Variants in LOXL2 observed in about 807,000 individuals in gnomAD.
LOXL2 encodes the protein lysyl oxidase homolog 2.
Under a neutral mutation model 93.0 loss-of-function variants are expected in LOXL2, and 70 were observed. The ratio of observed to expected loss-of-function variants is 0.75; its 90% CI spans 0.62 to 0.92. The LOEUF (loss-of-function observed/expected upper bound fraction) is 0.92, where lower values mean the gene tolerates loss of function less well. Ranked by LOEUF, LOXL2 falls within the 40% of genes least tolerant of loss-of-function variation. The pLI, the probability that LOXL2 is intolerant of heterozygous loss-of-function variation, is 0.00. For missense variants in LOXL2, 973 were observed against 1,054.9 expected (o/e 0.92, Z 1.08); for synonymous variants, 438 against 413.2 (o/e 1.06, Z -0.73).
At chr8:23,329,318 C>A (rs150737615) in intron 5 of LOXL2, among the ~76,000 whole-genome samples, 33 of 152,336 alleles carry the variant, frequency 2.2e-4, no homozygotes, top group African/African-American at 7.7e-4. Flanking sequence ...AGATGCAGCC[C>A]AATCAGCTAT....
At chr8:23,350,870 G>A (rs959455404) in intron 3 of LOXL2, among the ~76,000 whole-genome samples, 2 of 152,142 alleles carry the variant, frequency 1.3e-5, no homozygotes, top group African/African-American at 4.8e-5. Flanking sequence ...TTTGGAGAAC[G>A]GGCAAGCCCT....
intron 1 of LOXL2, among the ~76,000 whole-genome samples, chr8:23,395,331 A>C (rs1430825619): frequency 1.3e-5 from 2 of 151,926 alleles, no homozygotes; most frequent in Non-Finnish European, 2.9e-5. Flanking sequence ...AAAAAAAAAA[A>C]AAAACCACAT....
At chr8:23,340,953 G>C (rs748445514) in intron 4 of LOXL2, 39 bp downstream of exon 4, 1 of 1,557,228 alleles carries the variant, frequency 6.4e-7, no homozygotes. Context: ...AGGCAGGGCG[G>C]ATACCCTCAA....
At chr8:23,299,087 C>T (rs1803085228) in intron 12 of LOXL2, 140 bp from the exon 13 acceptor site, 3 of 604,546 alleles carry the variant, frequency 5.0e-6, no homozygotes, top group Non-Finnish European at 9.0e-6. Flanking sequence ...CTGTGGGTCT[C>T]AACAAAGTCC....
chr8:23,388,118 G>A (rs1804790978), intron 1 of LOXL2, among the ~76,000 whole-genome samples: 1 of 152,182 alleles, frequency 6.6e-6, no homozygotes, highest in Admixed American at 6.5e-5. Context: ...CTAGATTCGA[G>A]TCAGGTTATT....
intron 1 of LOXL2, among the ~76,000 whole-genome samples, chr8:23,382,062 T>A (rs566798398): frequency 6.6e-6 from 1 of 152,320 alleles, no homozygotes; most frequent in Non-Finnish European, 1.5e-5. Flanking sequence ...GTGTCATTTA[T>A]AAACAACTGA....
intron 9 of LOXL2, among the ~76,000 whole-genome samples, chr8:23,311,149 C>T (rs1047910271): frequency 6.6e-5 from 10 of 152,198 alleles, no homozygotes; most frequent in Non-Finnish European, 1.0e-4. Flanking sequence ...AGCTCTGTCT[C>T]CCTTCTCCCC....
At chr8:23,403,581 C>T (rs552244313) in intron 1 of LOXL2, among the ~76,000 whole-genome samples, 101 of 152,224 alleles carry the variant, frequency 6.6e-4, no homozygotes, top group African/African-American at 2.4e-3. Context: ...GCCAGAATTC[C>T]GGAGACGCTG....
At chr8:23,369,151 C>T (rs575614953) in intron 1 of LOXL2, among the ~76,000 whole-genome samples, 1 of 152,112 alleles carries the variant, frequency 6.6e-6, no homozygotes, top group Non-Finnish European at 1.5e-5. Context: ...ATGAATGGCA[C>T]CCCAAAACAC....
Position 23,319,984 on chromosome 8 carries a change from G to A in LOXL2, c.1371C>T (p.Ser457=), listed in dbSNP as rs78624774. ...RVEVLVERNG[S]LVWGMVCGQN... is the part of the protein sequence containing the mutation. ...GGCCACACACCATCCCCCACACAAG[G>A]GACCCGTTTCTCTCCACCAGCACCT... The change falls in exon 8 of 14, where the codon TCC becomes TCT. Residue 457 remains serine (S), a synonymous_variant. Coordinates refer to ENST00000389131, the MANE Select transcript of LOXL2 (RefSeq NM_002318.3). 30,134 of 1,614,058 alleles carry A rather than the reference G, an allele frequency of 0.019. 353 individuals carry two copies. The highest frequency in any genetic ancestry group is 0.05 in the African/African-American group (3,731 of 75,030).
intron 2 of LOXL2, among the ~76,000 whole-genome samples, chr8:23,366,388 A>T (rs1347303644): frequency 2.0e-5 from 3 of 152,254 alleles, no homozygotes; most frequent in Non-Finnish European, 2.9e-5. Flanking sequence ...TTACCCCAAA[A>T]GGAAATTTTC....
At chr8:23,321,513 G>A (rs1803497475) in intron 7 of LOXL2, among the ~76,000 whole-genome samples, 1 of 152,260 alleles carries the variant, frequency 6.6e-6, no homozygotes, top group South Asian at 2.1e-4. Context: ...TGGTGAGCGG[G>A]GTCTGACCTC....
chr8:23,349,965 G>A (rs1430404498), intron 3 of LOXL2, among the ~76,000 whole-genome samples: 1 of 152,052 alleles, frequency 6.6e-6, no homozygotes, highest in Non-Finnish European at 1.5e-5. Flanking sequence ...GCAAAATAAA[G>A]TTATGCAGTC....
rs966224369 is a variant in LOXL2 at position 23,313,444 on chromosome 8, CAG to C, written c.1636+3503_1636+3504del. Among the ~76,000 whole-genome samples, 299 of 152,098 alleles carry C rather than the reference CAG, an allele frequency of 2.0e-3. 1 individual carries two copies. The highest frequency in any genetic ancestry group is 7.0e-3 in the African/African-American group (291 of 41,494). On this transcript the variant is annotated intron_variant, in intron 9 of 13. Transcript: ENST00000389131. ...AAACAGCATGGTACTGGTACCAAAACAGAGATATAGATCAATGGAACAGAACA... is the reference window on the plus strand; with the variant it reads ...AAACAGCATGGTACTGGTACCAAAACAGATATAGATCAATGGAACAGAACA...
intron 13 of LOXL2, among the ~76,000 whole-genome samples, chr8:23,298,368 C>T (rs536230979): frequency 1.3e-5 from 2 of 152,338 alleles, no homozygotes; most frequent in Admixed American, 1.3e-4. Flanking sequence ...GAGTGAGGCC[C>T]ATGACTTTTC....
At chr8:23,375,935 T>C (rs946163709) in intron 1 of LOXL2, among the ~76,000 whole-genome samples, 2 of 152,188 alleles carry the variant, frequency 1.3e-5, no homozygotes, top group Non-Finnish European at 2.9e-5. Context: ...TTTATTTTTT[T>C]CTCCTGCCTG....
rs545571747 is a variant in LOXL2, at chr8:23,372,826, C to T, written c.-83-4392G>A. 7.6e-4 allele frequency among the ~76,000 whole-genome samples: 115 copies of T among 152,220 alleles called. No individual in the cohort carries two copies. In the Middle Eastern group the frequency reaches 0.014, roughly 18 times the overall value. On this transcript the variant is annotated intron_variant, in intron 1 of 13. Coordinates refer to ENST00000389131, the MANE Select transcript of LOXL2 (RefSeq NM_002318.3). ...GATTTTTACACACCTCTGTCAGTAA[C>T]GGATAGAAGACACAGAAAAATCCTG... is the stretch of plus-strand genomic sequence containing the variant.
intron 1 of LOXL2, chr8:23,371,180 C>T (rs543066343): frequency 6.6e-6 from 1 of 152,278 alleles, no homozygotes; most frequent in East Asian, 1.9e-4. Flanking sequence ...AAAAATAAGT[C>T]TGCCTAGAAT....
At chr8:23,364,143 T>A (rs181776740) in intron 2 of LOXL2, 38 of 152,480 alleles carry the variant, frequency 2.5e-4, no homozygotes, top group African/African-American at 8.7e-4. Context: ...CCCAAAGGGC[T>A]GGGATTACAG....
Sources: allele counts gnomAD v4.1 joint callset (sites outside exome capture counted in the v4.1 genomes callset), GRCh38; gene constraint gnomAD v4.1.1; transcripts MANE v1.5; gene names NCBI Gene and HGNC (gene_info 2026-07-23, HGNC 2026-07-21).